Variants in CCDC178 observed in about 807,000 individuals in gnomAD.
CCDC178 encodes coiled-coil domain-containing protein 178.
Under a neutral mutation model 117.4 loss-of-function variants are expected in CCDC178, and 126 were observed. The observed-to-expected ratio is 1.07, with a 90% CI of 0.93 to 1.24. The LOEUF (loss-of-function observed/expected upper bound fraction) is 1.24, where lower values mean the gene tolerates loss of function less well. Among genes scored for constraint, CCDC178 ranks in the 50% most tolerant of loss-of-function variants. The probability of loss-of-function intolerance (pLI) is 0.00; values close to 1 mark genes in which losing one functional copy is unlikely to be tolerated. For synonymous variants in CCDC178, 283 were observed against 313.4 expected (o/e 0.90, Z 1.02); for missense variants, 1,030 against 986.9 (o/e 1.04, Z -0.59).
intron 22 of CCDC178, among the ~76,000 whole-genome samples, chr18:32,968,719 TTAA>T (rs2054867363): frequency 6.6e-6 from 1 of 152,054 alleles, no homozygotes; most frequent in Admixed American, 6.6e-5. Context: ...ATTTAGGAGT[TTAA>T]TGTTATTCCT....
At chr18:33,341,387 T>C (rs2062815236) in intron 9 of CCDC178, among the ~76,000 whole-genome samples, 2 of 152,254 alleles carry the variant, frequency 1.3e-5, no homozygotes, top group African/African-American at 4.8e-5. Flanking sequence ...CTGTGGACTT[T>C]TGGGTTAATG....
At chr18:33,434,454 T>C (rs941496171) in intron 2 of CCDC178, among the ~76,000 whole-genome samples, 6 of 152,154 alleles carry the variant, frequency 3.9e-5, no homozygotes, top group African/African-American at 1.4e-4. Context: ...TGGCATAATA[T>C]TTGCTAAGTA....
intron 2 of CCDC178, among the ~76,000 whole-genome samples, chr18:33,425,120 T>C (rs961114188): frequency 1.3e-5 from 2 of 152,012 alleles, no homozygotes; most frequent in African/African-American, 2.4e-5. Flanking sequence ...AATAAAATAG[T>C]GTCCAATATT....
intron 21 of CCDC178, among the ~76,000 whole-genome samples, chr18:33,030,452 C>T (rs1289483061): frequency 6.6e-6 from 1 of 151,918 alleles, no homozygotes; most frequent in Admixed American, 6.6e-5. Context: ...AATCCATTCA[C>T]ATTTAATGTT....
At chr18:33,078,219 T>G (rs2057241353) in intron 21 of CCDC178, among the ~76,000 whole-genome samples, 1 of 152,094 alleles carries the variant, frequency 6.6e-6, no homozygotes, top group East Asian at 1.9e-4. Context: ...AGGCTCTCAA[T>G]AAAATTCAAC....
intron 4 of CCDC178, among the ~76,000 whole-genome samples, chr18:33,392,666 C>T (rs372087178): frequency 3.9e-4 from 59 of 152,004 alleles, no homozygotes; most frequent in African/African-American, 1.4e-3. Flanking sequence ...ATTGTATAAA[C>T]CTAATGCATT....
intron 21 of CCDC178, among the ~76,000 whole-genome samples, chr18:33,089,505 C>T (rs1484894528): frequency 1.3e-5 from 2 of 152,094 alleles, no homozygotes; most frequent in Admixed American, 6.5e-5. Flanking sequence ...GTATTTGTTA[C>T]GTGTTGGCTG....
intron 14 of CCDC178, among the ~76,000 whole-genome samples, chr18:33,260,572 T>A (rs1474586604): frequency 6.6e-6 from 1 of 151,942 alleles, no homozygotes; most frequent in Non-Finnish European, 1.5e-5. Flanking sequence ...GTCTGTGGTT[T>A]ACCTTTTCTC....
At chr18:33,363,917 G>A (rs1015275304) in intron 6 of CCDC178, among the ~76,000 whole-genome samples, 1 of 151,998 alleles carries the variant, frequency 6.6e-6, no homozygotes, top group Non-Finnish European at 1.5e-5. Context: ...TTGTCTTCTG[G>A]ATCCACATCT....
intron 20 of CCDC178, among the ~76,000 whole-genome samples, chr18:33,209,629 T>C (rs983543333): frequency 6.6e-5 from 10 of 151,976 alleles, no homozygotes; most frequent in African/African-American, 2.4e-4. Context: ...TTTTCACCAT[T>C]TAACACTCAA....
chr18:33,388,104 T>C (rs1040747149), intron 5 of CCDC178, among the ~76,000 whole-genome samples: 9 of 151,958 alleles, frequency 5.9e-5, no homozygotes, highest in East Asian at 1.9e-4. Context: ...CCAACAAATA[T>C]ATGAAAAAAA....
chr18:32,944,340 T>C (rs1229149362), intron 22 of CCDC178, among the ~76,000 whole-genome samples: 2 of 152,122 alleles, frequency 1.3e-5, no homozygotes, highest in African/African-American at 4.8e-5. Flanking sequence ...TATATCAGTG[T>C]TCAGAACTCA....
chr18:33,016,087 T>C (rs1234246374), intron 21 of CCDC178, among the ~76,000 whole-genome samples: 1 of 151,992 alleles, frequency 6.6e-6, no homozygotes, highest in Non-Finnish European at 1.5e-5. Flanking sequence ...AATCTCAAAT[T>C]TCCGTATATA....
intron 20 of CCDC178, among the ~76,000 whole-genome samples, chr18:33,178,101 T>A (rs2058685500): frequency 6.6e-6 from 1 of 152,082 alleles, no homozygotes; most frequent in Non-Finnish European, 1.5e-5. Flanking sequence ...CAGAGATGTA[T>A]CAACATCTTA....
intron 21 of CCDC178, among the ~76,000 whole-genome samples, chr18:33,004,923 C>T (rs2055717328): frequency 1.3e-5 from 2 of 152,120 alleles, no homozygotes. Flanking sequence ...GACATCATCT[C>T]ACTCCAGTTA....
chr18:33,433,740 G>A (rs1055801135), intron 2 of CCDC178, among the ~76,000 whole-genome samples: 11 of 151,966 alleles, frequency 7.2e-5, no homozygotes, highest in East Asian at 3.9e-4. Flanking sequence ...ACAGTAAAGC[G>A]CCTTAATAGC....
At chr18:33,266,680 T>C (rs1027234099) in intron 14 of CCDC178, among the ~76,000 whole-genome samples, 7 of 150,402 alleles carry the variant, frequency 4.7e-5, no homozygotes, top group African/African-American at 7.3e-5. Flanking sequence ...TTAGGAGATA[T>C]ACCTAATGCT....
At chr18:33,148,187 C>T (rs1053084862) in intron 20 of CCDC178, among the ~76,000 whole-genome samples, 7 of 152,332 alleles carry the variant, frequency 4.6e-5, no homozygotes, top group Admixed American at 2.6e-4. Flanking sequence ...CTCGGGAGGC[C>T]GAGGCTGGCA....
intron 9 of CCDC178, among the ~76,000 whole-genome samples, chr18:33,340,415 A>AT (rs961213801): frequency 6.6e-6 from 1 of 152,258 alleles, no homozygotes; most frequent in Admixed American, 6.5e-5. Flanking sequence ...AGAAAAACCC[A>AT]TTTTTTGAGG....
Sources: allele counts gnomAD v4.1 joint callset (sites outside exome capture counted in the v4.1 genomes callset), GRCh38; gene constraint gnomAD v4.1.1; transcripts MANE v1.5; gene names NCBI Gene and HGNC (gene_info 2026-07-23, HGNC 2026-07-21).